RETREG1: variants seen among roughly 807,000 people sequenced by gnomAD.
RETREG1 encodes family with sequence similarity 134 member B.
Under a neutral mutation model 54.8 loss-of-function variants are expected in RETREG1, and 44 were observed. The ratio of observed to expected loss-of-function variants is 0.80; its 90% CI spans 0.63 to 1.03. RETREG1 has a LOEUF of 1.03. RETREG1 is among the 50% of genes least tolerant of loss of function. The pLI, the probability that RETREG1 is intolerant of heterozygous loss-of-function variation, is 0.00. For synonymous variants in RETREG1, 217 were observed against 238.5 expected, an observed-to-expected ratio of 0.91 and a Z score of 0.83; for missense variants, 554 against 605.1, an observed-to-expected ratio of 0.92 and a Z score of 0.89.
At chr5:16,527,686 T>C (rs1740756569) in intron 3 of RETREG1, among the ~76,000 whole-genome samples, 1 of 152,044 alleles carries the variant, frequency 6.6e-6, no homozygotes, top group Non-Finnish European at 1.5e-5. Flanking sequence ...AGTGTCATTG[T>C]AAATAGCCTT....
In RETREG1 at chr5:16,509,061, T is replaced by C. The variant is rs1483901629; in HGVS notation, c.459-25589A>G. 3 of 978,722 alleles carry C rather than the reference T, an allele frequency of 3.1e-6. No individual in the cohort carries two copies. The African/African-American group carries it at 5.6e-5, about 18-fold the overall frequency. The allele number at this position is 978,722 out of a possible 1,614,324, so 60.6% of individuals were successfully genotyped here. A position where few individuals can be genotyped will look rare whatever the true frequency, so the allele number is the denominator to read the frequency against. ...GGCTTTTTTTTTTTTTTTTCTGGCATGACTAGGCACCCACCTAAGGGTGGA... is the reference window on the plus strand; with the variant it reads ...GGCTTTTTTTTTTTTTTTTCTGGCACGACTAGGCACCCACCTAAGGGTGGA... On this transcript the variant is annotated intron_variant, in intron 3 of 8. Transcript: ENST00000306320.
At chr5:16,515,803 A>G (rs1300646157) in intron 3 of RETREG1, among the ~76,000 whole-genome samples, 1 of 152,236 alleles carries the variant, frequency 6.6e-6, no homozygotes, top group Non-Finnish European at 1.5e-5. Flanking sequence ...TCCTAGAGCC[A>G]GGCACAGCAA....
At chr5:16,613,343 T>G (rs750974942) in intron 1 of RETREG1, among the ~76,000 whole-genome samples, 5 of 152,188 alleles carry the variant, frequency 3.3e-5, no homozygotes, top group Non-Finnish European at 5.9e-5. Flanking sequence ...CTACTAGATC[T>G]CCCAAATCAT....
At chr5:16,573,541 G>A (rs368565338) in intron 1 of RETREG1, among the ~76,000 whole-genome samples, 7 of 152,078 alleles carry the variant, frequency 4.6e-5, no homozygotes, top group South Asian at 2.1e-4. Flanking sequence ...AAGAACACAC[G>A]AATACTGCCT....
rs979762788 is a variant in RETREG1 at position 16,594,711 on chromosome 5, C to G, written c.320+21941G>C. On this transcript the variant is annotated intron_variant, in intron 1 of 8. Transcript: ENST00000306320. The surrounding 1 kb of genome is among the most constrained non-coding windows in gnomAD (Gnocchi z 4.4). Reference sequence around the variant, plus strand: ...CTGCACTCCAGCCTGGGCAACAGAGCAAGACTCCAAAAAAAACAAAAAACA... The same window carrying G: ...CTGCACTCCAGCCTGGGCAACAGAGGAAGACTCCAAAAAAAACAAAAAACA... Among the ~76,000 whole-genome samples the G allele has an allele frequency of 1.3e-5, 2 of 151,994 alleles. No individual in the cohort carries two copies. Among genetic ancestry groups the G allele is most frequent in the African/African-American group, 4.8e-5 (2 of 41,370 alleles).
intron 3 of RETREG1, among the ~76,000 whole-genome samples, chr5:16,494,072 T>C (rs528012862): frequency 6.6e-6 from 1 of 152,334 alleles, no homozygotes; most frequent in African/African-American, 2.4e-5. Context: ...CTCTCATTTA[T>C]GTTCACATAA....
rs1579574199 is a variant in RETREG1 at position 16,474,515 on chromosome 5, A to AAGT, written c.*223_*225dup. ...CTCTGACAACACAGTGGTGTGTATAAAGTTCATTTCCATGCTTATTACACA... is the reference window on the plus strand; with the variant it reads ...CTCTGACAACACAGTGGTGTGTATAAAGTAGTTCATTTCCATGCTTATTACACA... On this transcript the variant is annotated 3_prime_UTR_variant, in exon 9 of 9. Transcript: ENST00000306320. 1.7e-6 allele frequency: 1 copy of AAGT among 578,788 alleles called. No homozygotes were observed. Among genetic ancestry groups the AAGT allele is most frequent in the East Asian group, 3.1e-5 (1 of 32,720 alleles). 35.9% of individuals were successfully genotyped at this position (578,788 alleles called of 1,614,324 possible). A position where few individuals can be genotyped will look rare whatever the true frequency, so the allele number is the denominator to read the frequency against.
intron 1 of RETREG1, among the ~76,000 whole-genome samples, chr5:16,590,922 C>T (rs1742754646): frequency 6.6e-6 from 1 of 151,598 alleles, no homozygotes; most frequent in African/African-American, 2.4e-5. Flanking sequence ...AAAACACACA[C>T]ATGCAAATAT....
chr5:16,524,487 T>C (rs563643500), intron 3 of RETREG1, among the ~76,000 whole-genome samples: 69 of 152,314 alleles, frequency 4.5e-4, no homozygotes, highest in African/African-American at 1.5e-3. Flanking sequence ...CTTCTTTACA[T>C]CCATCTACTT....
intron 3 of RETREG1, among the ~76,000 whole-genome samples, chr5:16,494,621 T>C (rs1197983805): frequency 6.6e-6 from 1 of 152,202 alleles, no homozygotes; most frequent in Non-Finnish European, 1.5e-5. Flanking sequence ...GATTGGCAGC[T>C]TCCTTAGGCC....
intron 1 of RETREG1, among the ~76,000 whole-genome samples, chr5:16,612,064 C>CAA (rs35639329): frequency 0.024 from 2,926 of 120,282 alleles, 46 homozygotes; most frequent in African/African-American, 0.054. Flanking sequence ...GACTCCGTCT[C>CAA]AAAAAAAAAA....
At chr5:16,520,111 C>T (rs991944101) in intron 3 of RETREG1, among the ~76,000 whole-genome samples, 2 of 152,092 alleles carry the variant, frequency 1.3e-5, no homozygotes, top group Non-Finnish European at 2.9e-5. Flanking sequence ...GGGGGACAGG[C>T]CAGCCCGGTG....
At chr5:16,590,803 A>C (rs1189600849) in intron 1 of RETREG1, among the ~76,000 whole-genome samples, 5 of 151,672 alleles carry the variant, frequency 3.3e-5, no homozygotes, top group Admixed American at 6.6e-5. Context: ...AACACACACA[A>C]AAAAACACAC....
At chr5:16,588,229 G>A (rs1484092350) in intron 1 of RETREG1, among the ~76,000 whole-genome samples, 2 of 152,198 alleles carry the variant, frequency 1.3e-5, no homozygotes, top group Non-Finnish European at 2.9e-5. Flanking sequence ...TGCAGGTTTG[G>A]TTTTTCCTGA....
intron 1 of RETREG1, among the ~76,000 whole-genome samples, chr5:16,583,129 A>C (rs1742536117): frequency 6.6e-6 from 1 of 152,294 alleles, no homozygotes; most frequent in East Asian, 1.9e-4. Context: ...ACGATGAAAA[A>C]TAAAGTGAAG....
chr5:16,587,057 G>A (rs956786720), intron 1 of RETREG1, among the ~76,000 whole-genome samples: 2 of 152,156 alleles, frequency 1.3e-5, no homozygotes, highest in African/African-American at 4.8e-5. Flanking sequence ...TTGGTGATGG[G>A]GTTTCAACAT....
intron 1 of RETREG1, among the ~76,000 whole-genome samples, chr5:16,576,673 C>T (rs1561126686): frequency 6.6e-6 from 1 of 152,002 alleles, no homozygotes; most frequent in African/African-American, 2.4e-5. Context: ...TTAGTAGAGA[C>T]GGGGTCTCTC....
At chr5:16,485,470 A>G (rs1644439095) in intron 3 of RETREG1, among the ~76,000 whole-genome samples, 1 of 152,174 alleles carries the variant, frequency 6.6e-6, no homozygotes, top group African/African-American at 2.4e-5. Context: ...CGCGAGGACA[A>G]AAAAATATTT....
At chr5:16,523,011 GAAGAAAGAA>G (rs1208379785) in intron 3 of RETREG1, among the ~76,000 whole-genome samples, 1 of 151,534 alleles carries the variant, frequency 6.6e-6, no homozygotes, top group Non-Finnish European at 1.5e-5. Context: ...GAAAAAAGAA[GAAGAAAGAA>G]AAGAAAGAAA....
Sources: allele counts gnomAD v4.1 joint callset (sites outside exome capture counted in the v4.1 genomes callset), GRCh38; gene constraint gnomAD v4.1.1; non-coding constraint Gnocchi (gnomAD v3.1); transcripts MANE v1.5; gene names NCBI Gene and HGNC (gene_info 2026-07-23, HGNC 2026-07-21).